Variants in ETV3L observed in about 807,000 individuals in gnomAD.
ETV3L encodes the protein ETS translocation variant 3-like protein.
Under a neutral mutation model 27.6 loss-of-function variants are expected in ETV3L, and 30 were observed. The ratio of observed to expected loss-of-function variants is 1.09; its 90% CI spans 0.81 to 1.48. ETV3L has a LOEUF of 1.48. ETV3L is among the 40% of genes most tolerant of loss of function. The probability of loss-of-function intolerance (pLI) is 0.00; values close to 1 mark genes in which losing one functional copy is unlikely to be tolerated. For missense variants in ETV3L, 443 were observed against 455.6 expected (o/e 0.97, Z 0.25); for synonymous variants, 186 against 188.9 (o/e 0.98, Z 0.12).
Position 157,092,624 on chromosome 1 carries a change from C to T in ETV3L, c.*25G>A, listed in dbSNP as rs1382694637. ...AGAGATGGACTTTGGAGGACTCCTC[C>T]CCAACTTCCCACCTTCCTCTCTAGT... is the stretch of plus-strand genomic sequence containing the variant. On this transcript the variant is annotated 3_prime_UTR_variant, in exon 5 of 5. Coordinates refer to ENST00000454449, the MANE Select transcript of ETV3L (RefSeq NM_001004341.2). 1.3e-6 allele frequency: 2 copies of T among 1,561,226 alleles called. No homozygotes were observed. The highest frequency in any genetic ancestry group is 8.7e-7 in the Non-Finnish European group (1 of 1,150,658).
At chr1:157,094,354 C>T (rs1024712463) in intron 4 of ETV3L, among the ~76,000 whole-genome samples, 1 of 152,200 alleles carries the variant, frequency 6.6e-6, no homozygotes, top group Non-Finnish European at 1.5e-5. Context: ...TCACTCTGGT[C>T]CATAACTTTC....
Position 157,098,907 on chromosome 1 carries a change from G to A in ETV3L, c.297-12C>T, listed in dbSNP as rs371229211. The A allele has an allele frequency of 5.8e-4, 929 of 1,603,436 alleles. No homozygotes were observed. Among genetic ancestry groups the A allele is most frequent in the Non-Finnish European group, 7.4e-4 (868 of 1,174,278 alleles). On this transcript the variant is annotated splice_polypyrimidine_tract_variant and intron_variant, in intron 2 of 4. Transcript: ENST00000454449. Reference sequence around the variant, plus strand: ...TATTGTAGTAATATCTGGAGAATTCGAAGTTGAGAATAGAGTTGGCCCAGC... The same window carrying A: ...TATTGTAGTAATATCTGGAGAATTCAAAGTTGAGAATAGAGTTGGCCCAGC...
In ETV3L at chr1:157,099,713, G is replaced by GGGA. The variant is rs1674305736; in HGVS notation, c.-193_-191dup. 1 of 621,538 alleles carries GGGA rather than the reference G, an allele frequency of 1.6e-6. No homozygotes were observed. The highest frequency in any genetic ancestry group is 1.8e-5 in the African/African-American group (1 of 54,224). 38.5% of individuals were successfully genotyped at this position (621,538 alleles called of 1,614,324 possible). The stretch of plus-strand genomic sequence containing the variant: ...AAGGGACAAGAGGTTGCCAGTGAAG[G>GGGA]GGAGAAAAGGGAACCAGAGGCAGCA... On this transcript the variant is annotated 5_prime_UTR_variant, in exon 1 of 5. Coordinates refer to ENST00000454449, the MANE Select transcript of ETV3L (RefSeq NM_001004341.2).
At chr1:157,097,028 G>A (rs1207726587) in intron 4 of ETV3L, among the ~76,000 whole-genome samples, 3 of 152,118 alleles carry the variant, frequency 2.0e-5, no homozygotes, top group Admixed American at 6.6e-5. Flanking sequence ...TGGCTTGTGC[G>A]GCCTCTGTGG....
chr1:157,097,316 T>C (rs567907855), intron 4 of ETV3L, among the ~76,000 whole-genome samples: 1 of 151,302 alleles, frequency 6.6e-6, no homozygotes, highest in East Asian at 2.0e-4. Context: ...TTACTAAAAA[T>C]ACAAAAATTA....
At chr1:157,095,639 A>G (rs556216008) in intron 4 of ETV3L, among the ~76,000 whole-genome samples, 19 of 135,280 alleles carry the variant, frequency 1.4e-4, no homozygotes, top group Admixed American at 9.8e-4. Flanking sequence ...TCTCTGCCCA[A>G]GGCATTCCCA....
chr1:157,098,347 C>T (rs755110620), intron 3 of ETV3L, among the ~76,000 whole-genome samples: 27 of 152,158 alleles, frequency 1.8e-4, no homozygotes, highest in Non-Finnish European at 1.9e-4. Flanking sequence ...CCGTCCACCT[C>T]GTCCTCCCAA....
chr1:157,097,200 T>C (rs751471658), intron 4 of ETV3L, among the ~76,000 whole-genome samples: 66 of 152,066 alleles, frequency 4.3e-4, no homozygotes, highest in Non-Finnish European at 8.1e-4. Context: ...TGACTGGGTG[T>C]GGTGTCTCAC....
intron 4 of ETV3L, among the ~76,000 whole-genome samples, chr1:157,095,643 A>G (rs1264372310): frequency 7.5e-6 from 1 of 132,726 alleles, no homozygotes; most frequent in Non-Finnish European, 1.6e-5. Flanking sequence ...TGCCCAAGGC[A>G]TTCCCAGAGC....
chr1:157,099,300 A>G lies in ETV3L; in HGVS notation c.137T>C (p.Leu46Pro), dbSNP rs1217727594. Residue 46 changes from leucine to proline, a missense_variant, in exon 2 of 5, where the codon CTG becomes CCG. Leu to Pro is a moderately conservative substitution (Grantham distance 98, BLOSUM62 -3). Coordinates refer to ENST00000454449, the MANE Select transcript of ETV3L (RefSeq NM_001004341.2). ...GAACTCTTCCTTCTGCAGCAGCTCC[A>G]GGATGAAGTGCCACAGCTGGATCTG... ...SRQIQLWHFI[L>P]ELLQKEEFRH... The G allele has an allele frequency of 1.2e-6, 2 of 1,614,176 alleles. No homozygotes were observed. The highest frequency in any genetic ancestry group is 4.5e-5 in the East Asian group (2 of 44,872).
At chr1:157,094,417 C>T (rs1674181922) in intron 4 of ETV3L, among the ~76,000 whole-genome samples, 1 of 152,226 alleles carries the variant, frequency 6.6e-6, no homozygotes. Flanking sequence ...GCCTCTTTCC[C>T]TCTCCAACCC....
chr1:157,095,006 A>T (rs1413428272), intron 4 of ETV3L, among the ~76,000 whole-genome samples: 1 of 151,894 alleles, frequency 6.6e-6, no homozygotes, highest in Non-Finnish European at 1.5e-5. Flanking sequence ...CTGAAGTCAG[A>T]TCTATGTAGG....
chr1:157,092,999 A>G lies in ETV3L; in HGVS notation c.736T>C (p.Cys246Arg). 1 of 1,612,092 alleles carries G rather than the reference A, an allele frequency of 6.2e-7. No individual in the cohort carries two copies. Among genetic ancestry groups the G allele is most frequent in the Non-Finnish European group, 8.5e-7 (1 of 1,178,968 alleles). Residue 246 changes from cysteine (C) to arginine (R), a missense_variant, in exon 5 of 5, where the codon TGT (cysteine) becomes CGT (arginine). Coordinates refer to ENST00000454449, the MANE Select transcript of ETV3L (RefSeq NM_001004341.2). ...GGAGGCAAGAAGGGCCCCGAGAGAC[A>G]GGTCCAGTTGGAGGGCAGAGGGGGC... ...LPPPLPSNWTCLSGPFLPPLP... is the reference protein window; with the variant it reads ...LPPPLPSNWTRLSGPFLPPLP...
chr1:157,099,046 G>A lies in ETV3L; in HGVS notation c.296+95C>T, dbSNP rs1674286984. 1.4e-5 allele frequency: 22 copies of A among 1,542,030 alleles called. No individual in the cohort carries two copies. In the South Asian group the frequency reaches 2.1e-4, roughly 14 times the overall value. On this transcript the variant is annotated intron_variant, in intron 2 of 4. Transcript: ENST00000454449. ...CACCACAGGCCAGGACACTTCCCAA[G>A]CCTTGGAGGGGTGGGAGTCAGCAGG...
Position 157,097,992 on chromosome 1 carries a change from A to G in ETV3L, c.487-4T>C, listed in dbSNP as rs1438376665. 6.3e-7 allele frequency: 1 copy of G among 1,599,026 alleles called. No homozygotes were observed. Among genetic ancestry groups the G allele is most frequent in the Admixed American group, 1.7e-5 (1 of 58,540 alleles). ...CAAATAGCATGCTGTGCAGGAGCTGAGGGGTGAGAAGTAGGTGCGAGGTGT... is the reference window on the plus strand; with the variant it reads ...CAAATAGCATGCTGTGCAGGAGCTGGGGGGTGAGAAGTAGGTGCGAGGTGT... On this transcript the variant is annotated splice_region_variant and splice_polypyrimidine_tract_variant and intron_variant, in intron 3 of 4. Transcript: ENST00000454449.
chr1:157,098,075 T>C, intron 3 of ETV3L, 87 bp from the exon 4 acceptor site: 1 of 1,423,218 alleles, frequency 7.0e-7, no homozygotes, highest in Admixed American at 2.5e-5. Context: ...AGCCAGTTGC[T>C]AAAACAATGA....
chr1:157,099,460 G>T lies in ETV3L; in HGVS notation c.58+6C>A, dbSNP rs1339204498. 1 of 1,613,926 alleles carries T rather than the reference G, an allele frequency of 6.2e-7. No homozygotes were observed. Among genetic ancestry groups the T allele is most frequent in the South Asian group, 1.1e-5 (1 of 91,062 alleles). On this transcript the variant is annotated splice_donor_region_variant and intron_variant, in intron 1 of 4. Coordinates refer to ENST00000454449, the MANE Select transcript of ETV3L (RefSeq NM_001004341.2). Reference sequence around the variant, plus strand: ...AGCAGGGGGTAGGCCCGGCCAAGAGGCTCACCTGAGATCCAGTTGCCGGGG... The same window carrying T: ...AGCAGGGGGTAGGCCCGGCCAAGAGTCTCACCTGAGATCCAGTTGCCGGGG...
intron 4 of ETV3L, among the ~76,000 whole-genome samples, chr1:157,095,978 G>A (rs1415364534): frequency 6.6e-6 from 1 of 152,200 alleles, no homozygotes; most frequent in African/African-American, 2.4e-5. Flanking sequence ...CACAGCCTCT[G>A]TAAGAGCTGA....
At chr1:157,096,191 T>A (rs1188108529) in intron 4 of ETV3L, among the ~76,000 whole-genome samples, 1 of 152,186 alleles carries the variant, frequency 6.6e-6, no homozygotes, top group African/African-American at 2.4e-5. Flanking sequence ...ACGTATACTT[T>A]GGGTGTCATC....
Sources: gnomAD v4.1 joint callset for allele counts (sites outside exome capture counted in the v4.1 genomes callset) on GRCh38, gnomAD v4.1.1 for gene constraint, MANE v1.5 for transcripts, NCBI Gene and HGNC (gene_info 2026-07-23, HGNC 2026-07-21) for gene names.